The following HIPK4 variants were observed in gnomAD, a reference collection of about 807,000 sequenced individuals.
The protein encoded by HIPK4 is homeodomain-interacting protein kinase 4.
HIPK4 carries 26 observed loss-of-function variants against 44.8 expected under a neutral mutation model. The observed-to-expected ratio is 0.58, with a 90% CI of 0.43 to 0.80. The LOEUF is 0.80. Ranked by LOEUF, HIPK4 falls within the 30% of genes least tolerant of loss-of-function variation. The pLI is 0.00. For missense variants in HIPK4, 729 were observed against 862.6 expected, an observed-to-expected ratio of 0.85 and a Z score of 1.94; for synonymous variants, 340 against 355.5, an observed-to-expected ratio of 0.96 and a Z score of 0.49.
In HIPK4 at chr19:40,380,428, G is replaced by C; in HGVS notation, c.1563C>G (p.Ser521Arg). Residue 521 changes from serine to arginine, a missense_variant, in exon 3 of 4, where the codon AGC (serine) becomes AGG (arginine). Physicochemically the swap from Ser to Arg is moderately radical, Grantham distance 110. Around this residue, in one of 2 missense-constraint regions of HIPK4, gnomAD observed 533 missense variants for 567.5 expected, o/e 0.94. Transcript: ENST00000291823. The surrounding 1 kb of genome is among the most constrained non-coding windows in gnomAD (Gnocchi z 4.2). ...CGAGATGCTCTCCTTCCTCCCAGCT[G>C]CTGCCCCGGCAGGGCCTGTCATCCT... The part of the protein sequence containing the change: ...SPEDDRPCRG[S>R]SWEEGEHLGA... 6.2e-7 allele frequency: 1 copy of C among 1,614,120 alleles called. No individual in the cohort carries two copies. The highest frequency in any genetic ancestry group is 8.5e-7 in the Non-Finnish European group (1 of 1,180,042).
At chr19:40,383,652 G>T in intron 2 of HIPK4, 131 bp downstream of exon 2, 1 of 732,702 alleles carries the variant, frequency 1.4e-6, no homozygotes, top group Non-Finnish European at 2.3e-6. Context: ...AAACCCCTAG[G>T]CTCAAGGGAT....
In HIPK4 at chr19:40,380,858, T is replaced by C; in HGVS notation, c.1133A>G (p.Lys378Arg). ...SYRLSLQVEG[K>R]PPTPVVAAED... ...TGCGGCCACGACGGGCGTGGGGGGCTTCCCCTCCACTTGCAGCGAGAGGCG... is the reference window on the plus strand; with the variant it reads ...TGCGGCCACGACGGGCGTGGGGGGCCTCCCCTCCACTTGCAGCGAGAGGCG... The change falls in exon 3 of 4, where the codon AAG becomes AGG. Residue 378 changes from lysine to arginine, a missense_variant. By Grantham distance (26) the Lys-to-Arg change is conservative. This residue lies in a region of HIPK4 where 533 missense variants were observed against 567.5 expected (regional missense o/e 0.94). Transcript: ENST00000291823. This position sits in a 1 kb window ranked among gnomAD's most constrained non-coding sequence, Gnocchi z 4.2. 6.2e-7 allele frequency: 1 copy of C among 1,608,606 alleles called. No individual in the cohort carries two copies. The highest frequency in any genetic ancestry group is 8.5e-7 in the Non-Finnish European group (1 of 1,175,464).
rs2079317768 is a variant in HIPK4 at position 40,379,474 on chromosome 19, C to CG, written c.*112_*113insC. 3 of 935,760 alleles carry CG rather than the reference C, an allele frequency of 3.2e-6. No individual in the cohort carries two copies. The highest frequency in any genetic ancestry group is 3.1e-6 in the Non-Finnish European group (2 of 655,390). 58.0% of individuals were successfully genotyped at this position (935,760 alleles called of 1,614,324 possible). On this transcript the variant is annotated 3_prime_UTR_variant, in exon 4 of 4. Coordinates refer to ENST00000291823, the MANE Select transcript of HIPK4 (RefSeq NM_144685.5). ...TGAGAATTTCTGGATAACTATCTTT[C>CG]TGTAAGAATAATTTGTGGGTTCAGG...
chr19:40,385,065 C>A (rs1350406859), intron 1 of HIPK4, among the ~76,000 whole-genome samples: 4 of 152,190 alleles, frequency 2.6e-5, no homozygotes, highest in African/African-American at 9.6e-5. Context: ...TGTCCATCAG[C>A]CAACAGATCT....
rs1347950804 is a variant in HIPK4 at position 40,389,172 on chromosome 19, A to G, written c.465+266T>C. Among the ~76,000 whole-genome samples, 1 of 151,662 alleles carries G rather than the reference A, an allele frequency of 6.6e-6. No individual in the cohort carries two copies. Among genetic ancestry groups the G allele is most frequent in the Non-Finnish European group, 1.5e-5 (1 of 67,912 alleles). ...CCCCGTCTCTGATAAGTACAAAAAA[A>G]AAATTAGCTGGGCGTGGTGGCGCAT... On this transcript the variant is annotated intron_variant, in intron 1 of 3. Coordinates refer to ENST00000291823, the MANE Select transcript of HIPK4 (RefSeq NM_144685.5). This position sits in a 1 kb window ranked among gnomAD's most constrained non-coding sequence, Gnocchi z 4.6.
At position 40,380,226 on chromosome 19, in the gene HIPK4, G is replaced by T. The variant is rs1311785051; in HGVS notation, c.1668+97C>A. The stretch of plus-strand genomic sequence containing the variant: ...GTATCCTGAACATGGGTGAGTGTGT[G>T]TTGAGCCTCCTCACACACTAATCAT... On this transcript the variant is annotated intron_variant, in intron 3 of 3. Transcript: ENST00000291823. The surrounding 1 kb of genome is among the most constrained non-coding windows in gnomAD (Gnocchi z 4.2). The T allele has an allele frequency of 6.2e-6, 9 of 1,455,892 alleles. No homozygotes were observed. Among genetic ancestry groups the T allele is most frequent in the South Asian group, 1.3e-5 (1 of 75,402 alleles). The allele number at this position is 1,455,892 out of a possible 1,614,324, so 90.2% of individuals were successfully genotyped here.
chr19:40,390,018 G>A lies in HIPK4; in HGVS notation c.-116C>T, dbSNP rs967363749. 9 of 740,446 alleles carry A rather than the reference G, an allele frequency of 1.2e-5. No individual in the cohort carries two copies. Among genetic ancestry groups the A allele is most frequent in the East Asian group, 2.7e-5 (1 of 37,166 alleles). 45.9% of individuals were successfully genotyped at this position (740,446 alleles called of 1,614,324 possible). The stretch of plus-strand genomic sequence containing the variant: ...GCCCCCCAGTGGGGGAAAGAGAACC[G>A]CACTCGTGTCTCCTCCTATGAGGTT... On this transcript the variant is annotated 5_prime_UTR_variant, in exon 1 of 4. Coordinates refer to ENST00000291823, the MANE Select transcript of HIPK4 (RefSeq NM_144685.5).
intron 1 of HIPK4, among the ~76,000 whole-genome samples, chr19:40,384,768 T>C (rs796878864): frequency 6.6e-6 from 1 of 151,730 alleles, no homozygotes; most frequent in African/African-American, 2.4e-5. Context: ...CACACCACCA[T>C]GCCCTGCTAA....
chr19:40,383,304 G>A (rs1985669), intron 2 of HIPK4, among the ~76,000 whole-genome samples: 61,770 of 151,560 alleles, frequency 0.41, 13,322 homozygotes, highest in East Asian at 0.66. Flanking sequence ...GGCTGGTCTT[G>A]AACTCCTGAC....
rs1176157480 is a variant in HIPK4 at position 40,379,611 on chromosome 19, G to C, written c.1827C>G (p.Leu609=). The change falls in exon 4 of 4, where the codon CTC becomes CTG. Residue 609 remains leucine (L), a synonymous_variant. Coordinates refer to ENST00000291823, the MANE Select transcript of HIPK4 (RefSeq NM_144685.5). The stretch of plus-strand genomic sequence containing the variant: ...ATCAGTGGTGCCCGGTGACATGCTG[G>C]AGGAAGCTGGTGGCCCCCCGGGGTG... ...HGPPRGATSF[L]QHVTGHH 1.9e-6 allele frequency: 3 copies of C among 1,542,220 alleles called. No individual in the cohort carries two copies. The highest frequency in any genetic ancestry group is 2.8e-5 in the African/African-American group (2 of 72,348).
chr19:40,379,416 T>C lies in HIPK4; in HGVS notation c.*171A>G, dbSNP rs969390983. 1 of 608,308 alleles carries C rather than the reference T, an allele frequency of 1.6e-6. No homozygotes were observed. The highest frequency in any genetic ancestry group is 1.9e-5 in the African/African-American group (1 of 52,416). The allele number at this position is 608,308 out of a possible 1,614,324, so 37.7% of individuals were successfully genotyped here. A position where few individuals can be genotyped will look rare whatever the true frequency, so the allele number is the denominator to read the frequency against. On this transcript the variant is annotated 3_prime_UTR_variant, in exon 4 of 4. Transcript: ENST00000291823. ...AAAGCCCTGCTGTGTTTAGGAGAGG[T>C]GTGCAGGCACGCACCGCACCGCAGA...
At position 40,389,842 on chromosome 19, in the gene HIPK4, T is replaced by A; in HGVS notation, c.61A>T (p.Thr21Ser). The change falls in exon 1 of 4, where the codon ACC becomes TCC. Residue 21 changes from threonine to serine, a missense_variant. By Grantham distance (58) the Thr-to-Ser change is moderately conservative. This residue lies in a region of HIPK4 where 196 missense variants were observed against 295.1 expected (regional missense o/e 0.66). Coordinates refer to ENST00000291823, the MANE Select transcript of HIPK4 (RefSeq NM_144685.5). This position sits in a 1 kb window ranked among gnomAD's most constrained non-coding sequence, Gnocchi z 4.6. ...CAGCCCTTGGCTACCTCCCCGAAGG[T>A]CCCCTTGCCCAAGACCTCGATGATG... ...YDIIEVLGKG[T>S]FGEVAKGWRR... The A allele has an allele frequency of 6.2e-7, 1 of 1,613,634 alleles. No homozygotes were observed. The highest frequency in any genetic ancestry group is 2.2e-5 in the East Asian group (1 of 44,874).
At chr19:40,385,668 T>TTTTTA (rs2079359359) in intron 1 of HIPK4, among the ~76,000 whole-genome samples, 1 of 148,618 alleles carries the variant, frequency 6.7e-6, no homozygotes, top group African/African-American at 2.5e-5. Context: ...CCTGTTTTTC[T>TTTTTA]TTTTCTTTTC....
Position 40,384,049 on chromosome 19 carries a change from T to A in HIPK4, c.556A>T (p.Ile186Phe). 6.2e-7 allele frequency: 1 copy of A among 1,613,824 alleles called. No homozygotes were observed. ...IQSRFYRAPE[I>F]LLGLPFCEKV... is the part of the protein sequence containing the mutation. ...TCGCAGAAGGGCAGCCCCAGCAGGA[T>A]CTCAGGGGCCCGGTAGAAGCGCGAC... The change falls in exon 2 of 4, where the codon ATC becomes TTC. Residue 186 changes from isoleucine to phenylalanine, a missense_variant. Ile to Phe is a conservative substitution (Grantham distance 21, BLOSUM62 0). Around this residue, in one of 2 missense-constraint regions of HIPK4, gnomAD observed 196 missense variants for 295.1 expected, o/e 0.66. Coordinates refer to ENST00000291823, the MANE Select transcript of HIPK4 (RefSeq NM_144685.5).
At position 40,380,911 on chromosome 19, in the gene HIPK4, G is replaced by A; in HGVS notation, c.1080C>T (p.His360=). ...AGCTGCGCAGCGAGAGCTGGTAGTA[G>A]TGGGTGGTCTCGTGGGCACTGCGCA... ...QQLRSAHETT[H]YYQLSLRSYR... Residue 360 remains histidine, a synonymous_variant, in exon 3 of 4, where the codon CAC becomes CAT. Coordinates refer to ENST00000291823, the MANE Select transcript of HIPK4 (RefSeq NM_144685.5). The surrounding 1 kb of genome is among the most constrained non-coding windows in gnomAD (Gnocchi z 4.2). 2.5e-6 allele frequency: 4 copies of A among 1,603,498 alleles called. No homozygotes were observed. The highest frequency in any genetic ancestry group is 1.3e-5 in the African/African-American group (1 of 74,886).
chr19:40,389,722 A>C lies in HIPK4; in HGVS notation c.181T>G (p.Cys61Gly). 6.2e-7 allele frequency: 1 copy of C among 1,614,234 alleles called. No individual in the cohort carries two copies. Among genetic ancestry groups the C allele is most frequent in the Non-Finnish European group, 8.5e-7 (1 of 1,180,038 alleles). ...IIKNELKLLH[C>G]MRGLDPEEAH... ...TCTTCAGGGTCTAGGCCTCGCATGC[A>C]GTGCAGCAGCTTCAGCTCGTTCTTG... Residue 61 changes from cysteine (C) to glycine (G), a missense_variant, in exon 1 of 4, where the codon TGC (cysteine) becomes GGC (glycine). Around this residue, in one of 2 missense-constraint regions of HIPK4, gnomAD observed 196 missense variants for 295.1 expected, o/e 0.66. Coordinates refer to ENST00000291823, the MANE Select transcript of HIPK4 (RefSeq NM_144685.5). This position sits in a 1 kb window ranked among gnomAD's most constrained non-coding sequence, Gnocchi z 4.6.
chr19:40,383,837 G>A lies in HIPK4; in HGVS notation c.768C>T (p.Asp256=), dbSNP rs377700394. 36 of 1,613,944 alleles carry A rather than the reference G, an allele frequency of 2.2e-5. No homozygotes were observed. Among genetic ancestry groups the A allele is most frequent in the Non-Finnish European group, 2.8e-5 (33 of 1,179,964 alleles). Residue 256 remains aspartate, a synonymous_variant, in exon 2 of 4, where the codon GAC becomes GAT. Transcript: ENST00000291823. ...ACTTGAGCTGCCAGGGGTTGGCAGC[G>A]TCAGGGTGGGGGTTGCGCTTGAAGA... ...HHFFKRNPHP[D]AANPWQLKSS... is the part of the protein sequence containing the mutation.
Position 40,380,394 on chromosome 19 carries a change from C to T in HIPK4, c.1597G>A (p.Ala533Thr). The change falls in exon 3 of 4, where the codon GCT becomes ACT. Residue 533 changes from alanine (A) to threonine (T), a missense_variant. Ala to Thr is a moderately conservative substitution (Grantham distance 58). This residue lies in a region of HIPK4 where 533 missense variants were observed against 567.5 expected (regional missense o/e 0.94). Transcript: ENST00000291823. This position sits in a 1 kb window ranked among gnomAD's most constrained non-coding sequence, Gnocchi z 4.2. ...CGCTGCAGGATGGCCAGTGGCTCAG[C>T]AGAGGCCCCGAGATGCTCTCCTTCC... ...WEEGEHLGASAEPLAILQRDE... is the reference protein window; with the variant it reads ...WEEGEHLGASTEPLAILQRDE... The T allele has an allele frequency of 1.2e-6, 2 of 1,614,252 alleles. No homozygotes were observed. Among genetic ancestry groups the T allele is most frequent in the Non-Finnish European group, 1.7e-6 (2 of 1,180,040 alleles).
chr19:40,385,683 C>CTTTTTTTTTTTTTTTTTTTTT (rs142414559), intron 1 of HIPK4, among the ~76,000 whole-genome samples: 2 of 67,036 alleles, frequency 3.0e-5, no homozygotes, highest in African/African-American at 6.6e-5. Flanking sequence ...CTTTTCTTTT[C>CTTTTTTTTTTTTTTTTTTTTT]TTTTTTTTTT....
Sources: gnomAD v4.1 joint callset for allele counts (sites outside exome capture counted in the v4.1 genomes callset) on GRCh38, gnomAD v4.1.1 for gene constraint, gnomAD v4.1.1 regional missense constraint, Gnocchi (gnomAD v3.1) non-coding constraint, MANE v1.5 for transcripts, NCBI Gene and HGNC (gene_info 2026-07-23, HGNC 2026-07-21) for gene names.